Variants in NFIB observed in about 807,000 individuals in gnomAD.
NFIB encodes the protein nuclear factor 1 B-type.
In NFIB, 11 loss-of-function variants were observed where a neutral mutation model predicts 61.5. The ratio of observed to expected loss-of-function variants is 0.18; its 90% CI spans 0.11 to 0.30. NFIB has a LOEUF of 0.30. Among genes scored for constraint, NFIB ranks in the 10% least tolerant of loss-of-function variants. NFIB has a pLI of 1.00. For synonymous variants in NFIB, 260 were observed against 216.5 expected, an observed-to-expected ratio of 1.20 and a Z score of -1.76; for missense variants, 471 against 608.9, an observed-to-expected ratio of 0.77 and a Z score of 2.38.
rs559050636 is a variant in NFIB at position 14,279,574 on chromosome 9, A to G, written c.562+27415T>C. ...ATCGATATAATTTACTTCAGACAAT[A>G]AAACATAAATCTAATTTGAAGGATG... is the stretch of plus-strand genomic sequence containing the variant. On this transcript the variant is annotated intron_variant, in intron 2 of 10. Transcript: ENST00000380953. Among the ~76,000 whole-genome samples the G allele has an allele frequency of 4.6e-5, 7 of 152,338 alleles. No individual in the cohort carries two copies. In the East Asian group the frequency reaches 1.4e-3, roughly 29 times the overall value.
chr9:14,140,311 C>A (rs2041540079), intron 6 of NFIB, among the ~76,000 whole-genome samples: 1 of 152,134 alleles, frequency 6.6e-6, no homozygotes, highest in African/African-American at 2.4e-5. Context: ...TCACTCAGCT[C>A]CCACAGCTCT....
the NFIB span, among the ~76,000 whole-genome samples, chr9:14,502,857 G>C: frequency 1.3e-5 from 2 of 152,046 alleles, no homozygotes; most frequent in Admixed American, 1.3e-4. Flanking sequence ...ACTGTACCCA[G>C]TGTGTAGTAT....
chr9:14,527,485 A>G, the NFIB span, among the ~76,000 whole-genome samples: 1 of 152,230 alleles, frequency 6.6e-6, no homozygotes, highest in African/African-American at 2.4e-5. Flanking sequence ...AGGTATTATA[A>G]TAGCTATATA....
At chr9:14,500,006 C>A in the NFIB span, among the ~76,000 whole-genome samples, 6 of 152,024 alleles carry the variant, frequency 3.9e-5, no homozygotes, top group African/African-American at 1.5e-4. Context: ...GTATAGTACC[C>A]GTCGGAGAGC....
upstream of NFIB, among the ~76,000 whole-genome samples, chr9:14,316,104 C>A (rs1023074746): frequency 6.6e-6 from 1 of 152,202 alleles, no homozygotes; most frequent in Non-Finnish European, 1.5e-5. Context: ...CTGGAGGAAC[C>A]AGTGACTTTT....
intron 1 of NFIB, among the ~76,000 whole-genome samples, chr9:14,353,853 CTTTTTTT>C (rs59303621): frequency 1.6e-4 from 19 of 118,738 alleles, no homozygotes; most frequent in Middle Eastern, 4.5e-3. Context: ...GGGGTTTTGT[CTTTTTTT>C]TTTTTTTTTT....
chr9:14,146,740 A>G lies in NFIB; in HGVS notation c.874T>C (p.Ser292Pro). Residue 292 changes from serine (S) to proline (P), a missense_variant, in exon 6 of 11, where the codon TCT becomes CCT. Ser to Pro is a moderately conservative substitution (Grantham distance 74, BLOSUM62 -1). Transcript: ENST00000380953. The part of the protein sequence containing the change: ...EPSPTGDFYP[S>P]PSSPAAGSRT... ...CTTCCAGCAGCTGGTGAACTTGGAG[A>G]GGGGTAAAAGTCTCCTGTAGGACTT... 1.2e-6 allele frequency: 2 copies of G among 1,610,306 alleles called. No individual in the cohort carries two copies. The highest frequency in any genetic ancestry group is 1.7e-6 in the Non-Finnish European group (2 of 1,179,006).
intron 2 of NFIB, among the ~76,000 whole-genome samples, chr9:14,217,555 G>A (rs2051068953): frequency 6.6e-6 from 1 of 151,086 alleles, no homozygotes; most frequent in African/African-American, 2.4e-5. Context: ...AGCTACTTGG[G>A]AGGCTGAGGC....
At position 14,313,493 on chromosome 9, in the gene NFIB, A is replaced by G; in HGVS notation, c.19T>C (p.Cys7Arg). The G allele has an allele frequency of 6.2e-7, 1 of 1,614,100 alleles. No individual in the cohort carries two copies. Among genetic ancestry groups the G allele is most frequent in the Non-Finnish European group, 8.5e-7 (1 of 1,179,976 alleles). ...ACCGAGACATGTACCTGAGTGAGACAGATGGGAGAATACATCATGACTTCG... is the reference window on the plus strand; with the variant it reads ...ACCGAGACATGTACCTGAGTGAGACGGATGGGAGAATACATCATGACTTCG... MMYSPI[C>R]LTQDEFHPFI... is the part of the protein sequence containing the mutation. The change falls in exon 1 of 11, where the codon TGT becomes CGT. Residue 7 changes from cysteine to arginine, a missense_variant. Physicochemically the swap from Cys to Arg is radical, Grantham distance 180. Coordinates refer to ENST00000380953, the MANE Select transcript of NFIB (RefSeq NM_001190737.2). The surrounding 1 kb of genome is among the most constrained non-coding windows in gnomAD (Gnocchi z 4.5).
intron 2 of NFIB, among the ~76,000 whole-genome samples, chr9:14,287,217 G>C (rs1456096868): frequency 6.6e-6 from 1 of 151,104 alleles, no homozygotes; most frequent in African/African-American, 2.5e-5. Context: ...GGATCACGAG[G>C]TCAGGAGATC....
chr9:14,183,694 C>T (rs879366815), intron 2 of NFIB, among the ~76,000 whole-genome samples: 1 of 152,124 alleles, frequency 6.6e-6, no homozygotes, highest in Admixed American at 6.5e-5. Context: ...TGTGAGCCAC[C>T]ACACCCAGTT....
At chr9:14,113,220 G>C in intron 9 of NFIB, 139 bp from the exon 10 acceptor site, 1 of 638,734 alleles carries the variant, frequency 1.6e-6, no homozygotes, top group Non-Finnish European at 2.6e-6. Flanking sequence ...TCTTTTGTCT[G>C]AGTGAACACC....
intron 10 of NFIB, among the ~76,000 whole-genome samples, chr9:14,091,742 T>C (rs1180940329): frequency 6.6e-6 from 1 of 151,942 alleles, no homozygotes. Flanking sequence ...AGCACATCTT[T>C]AGAAAATATA....
At chr9:14,272,778 T>G (rs909205798) in intron 2 of NFIB, among the ~76,000 whole-genome samples, 44 of 151,332 alleles carry the variant, frequency 2.9e-4, no homozygotes, top group African/African-American at 1.0e-3. Flanking sequence ...CAGAACATGC[T>G]ACATTTTTAA....
chr9:14,470,976 C>A, the NFIB span, among the ~76,000 whole-genome samples: 1 of 152,120 alleles, frequency 6.6e-6, no homozygotes, highest in Non-Finnish European at 1.5e-5. Context: ...TAAAAGCTGA[C>A]CTTGGACCTG....
intron 3 of NFIB, among the ~76,000 whole-genome samples, chr9:14,175,167 C>CTTTTTTTTTTTTTTTT (rs55765054): frequency 2.4e-5 from 3 of 126,050 alleles, no homozygotes; most frequent in African/African-American, 9.8e-5. Context: ...TAAAGAATTT[C>CTTTTTTTTTTTTTTTT]TTTTTTTTTT....
intron 9 of NFIB, among the ~76,000 whole-genome samples, 175 bp from the exon 10 acceptor site, chr9:14,113,256 G>A (rs1044676923): frequency 2.0e-5 from 3 of 151,760 alleles, no homozygotes; most frequent in Non-Finnish European, 4.4e-5. Context: ...AATAATAATT[G>A]ACTTCAAATC....
Position 14,333,963 on chromosome 9 carries a change from A to G in NFIB, c.109-26443T>C, listed in dbSNP as rs1234115929. On this transcript the variant is annotated intron_variant, in intron 1 of 8. Coordinates refer to the NFIB transcript ENST00000380934. ...TTTTGAACTTTACATAAGAAAAAGC[A>G]TACAATATTTACTGTTATGTCTGAA... Among the ~76,000 whole-genome samples the G allele has an allele frequency of 3.9e-5, 6 of 152,252 alleles. No individual in the cohort carries two copies. In the East Asian group the frequency reaches 5.8e-4, roughly 15 times the overall value.
At chr9:14,425,044 C>A in the NFIB span, among the ~76,000 whole-genome samples, 1 of 152,164 alleles carries the variant, frequency 6.6e-6, no homozygotes, top group East Asian at 1.9e-4. Context: ...TACTCAAGTG[C>A]CCAATTCCTA....
Sources: allele counts gnomAD v4.1 joint callset (sites outside exome capture counted in the v4.1 genomes callset), GRCh38; gene constraint gnomAD v4.1.1; non-coding constraint Gnocchi (gnomAD v3.1); transcripts MANE v1.5; gene names NCBI Gene and HGNC (gene_info 2026-07-23, HGNC 2026-07-21).